GABRB2: variants seen among roughly 807,000 people sequenced by gnomAD.
GABRB2 encodes the protein gamma-aminobutyric acid receptor subunit beta-2.
In GABRB2, 16 loss-of-function variants were observed where a neutral mutation model predicts 54.7. That is an observed-to-expected ratio of 0.29 (90% CI 0.20 to 0.44). The LOEUF is 0.44. Ranked by LOEUF, GABRB2 falls within the 20% of genes least tolerant of loss-of-function variation. The pLI is 1.00. For missense variants in GABRB2, 355 were observed against 644.0 expected (o/e 0.55, Z 4.86); for synonymous variants, 244 against 233.8 (o/e 1.04, Z -0.40).
chr5:161,422,126 T>G (rs1029713634), intron 4 of GABRB2, among the ~76,000 whole-genome samples: 6 of 152,098 alleles, frequency 3.9e-5, no homozygotes, highest in African/African-American at 1.4e-4. Context: ...TTTATCAAAA[T>G]CCACCAAATG....
At chr5:161,519,590 T>C (rs2113426126) in intron 3 of GABRB2, among the ~76,000 whole-genome samples, 1 of 152,304 alleles carries the variant, frequency 6.6e-6, no homozygotes, top group East Asian at 1.9e-4. Flanking sequence ...AGAACCTTGT[T>C]ACTTGTAAAT....
intron 3 of GABRB2, among the ~76,000 whole-genome samples, chr5:161,471,915 G>T (rs746465336): frequency 1.3e-5 from 2 of 151,606 alleles, no homozygotes; most frequent in African/African-American, 4.8e-5. Context: ...ATTGTCCCTA[G>T]GTTCTTGCTT....
At chr5:161,361,859 C>T (rs921027901) in intron 5 of GABRB2, among the ~76,000 whole-genome samples, 3 of 152,068 alleles carry the variant, frequency 2.0e-5, no homozygotes, top group Admixed American at 2.0e-4. Flanking sequence ...CCATACATAC[C>T]TCCTGAATGG....
intron 9 of GABRB2, among the ~76,000 whole-genome samples, chr5:161,316,419 G>A (rs944341619): frequency 3.3e-5 from 5 of 152,278 alleles, no homozygotes; most frequent in Non-Finnish European, 5.9e-5. Flanking sequence ...ACTCTCTGGT[G>A]ATAGCATTGC....
At chr5:161,300,635 G>C (rs253037) in intron 9 of GABRB2, among the ~76,000 whole-genome samples, 16,286 of 152,190 alleles carry the variant, frequency 0.11, 1,009 homozygotes, top group Non-Finnish European at 0.14. Flanking sequence ...TCCCACACTT[G>C]AATGCATATC....
At chr5:161,400,693 C>T (rs928222538) in intron 5 of GABRB2, among the ~76,000 whole-genome samples, 1 of 152,096 alleles carries the variant, frequency 6.6e-6, no homozygotes, top group African/African-American at 2.4e-5. Context: ...CTTTTGAGAA[C>T]CCGTAATGGG....
intron 3 of GABRB2, among the ~76,000 whole-genome samples, chr5:161,524,809 C>A (rs973618531): frequency 2.0e-5 from 3 of 151,264 alleles, no homozygotes; most frequent in Non-Finnish European, 3.0e-5. Flanking sequence ...TTGCTTCTTA[C>A]ACTTTCCATA....
intron 4 of GABRB2, among the ~76,000 whole-genome samples, chr5:161,431,126 A>C (rs893374153): frequency 3.3e-5 from 5 of 152,154 alleles, no homozygotes; most frequent in African/African-American, 1.2e-4. Flanking sequence ...CTGTGACACT[A>C]GTATTTTATT....
At chr5:161,355,680 G>C (rs980880865) in intron 5 of GABRB2, among the ~76,000 whole-genome samples, 3 of 151,826 alleles carry the variant, frequency 2.0e-5, no homozygotes, top group Non-Finnish European at 4.4e-5. Flanking sequence ...TAGGTATGTA[G>C]TTAAAAATCT....
rs138509672 is a variant in GABRB2, at chr5:161,509,809, G to C, written c.237+35418C>G. 5.6e-3 allele frequency among the ~76,000 whole-genome samples: 852 copies of C among 151,948 alleles called. 8 individuals are homozygous for C. The highest frequency in any genetic ancestry group is 0.019 in the African/African-American group (785 of 41,504). ...ACTCTATTGCTACTATCTTAGGAAA[G>C]GCCACTATCATCTCTGCTTTGCCTC... On this transcript the variant is annotated intron_variant, in intron 3 of 9. Coordinates refer to ENST00000393959, the MANE Select transcript of GABRB2 (RefSeq NM_001371727.1).
At chr5:161,500,999 A>AACAG (rs1759420219) in intron 3 of GABRB2, among the ~76,000 whole-genome samples, 1 of 150,410 alleles carries the variant, frequency 6.6e-6, no homozygotes, top group African/African-American at 2.5e-5. Flanking sequence ...CCCACCCCAC[A>AACAG]ACAGTCCCCA....
intron 3 of GABRB2, among the ~76,000 whole-genome samples, chr5:161,481,200 G>T (rs745368026): frequency 6.6e-6 from 1 of 152,070 alleles, no homozygotes; most frequent in Middle Eastern, 3.4e-3. Flanking sequence ...TTGATTAAAG[G>T]TAACTAGATG....
At chr5:161,458,485 GCTGAAT>G (rs1303399586) in intron 4 of GABRB2, among the ~76,000 whole-genome samples, 1 of 152,116 alleles carries the variant, frequency 6.6e-6, no homozygotes, top group Non-Finnish European at 1.5e-5. Flanking sequence ...AAACAAAACA[GCTGAAT>G]CTAAGGATCT....
Position 161,466,254 on chromosome 5 carries a change from C to T in GABRB2, c.238-6410G>A, listed in dbSNP as rs186457411. ...GTCAAAATGACATTCTGGAAAATTC[C>T]TGGTCATCTTAATCTTGAATCGTTG... is the stretch of plus-strand genomic sequence containing the variant. On this transcript the variant is annotated intron_variant, in intron 3 of 9. Coordinates refer to ENST00000393959, the MANE Select transcript of GABRB2 (RefSeq NM_001371727.1). Among the ~76,000 whole-genome samples, 137 of 152,090 alleles carry T rather than the reference C, an allele frequency of 9.0e-4. 1 individual carries two copies. Among genetic ancestry groups the T allele is most frequent in the African/African-American group, 3.2e-3 (134 of 41,522 alleles).
intron 3 of GABRB2, among the ~76,000 whole-genome samples, chr5:161,467,246 G>T (rs767465729): frequency 6.6e-6 from 1 of 152,024 alleles, no homozygotes; most frequent in Non-Finnish European, 1.5e-5. Flanking sequence ...CACTCTCTCT[G>T]CTATCAGGCT....
chr5:161,509,601 C>T (rs1759704971), intron 3 of GABRB2, among the ~76,000 whole-genome samples: 1 of 151,966 alleles, frequency 6.6e-6, no homozygotes, highest in African/African-American at 2.4e-5. Flanking sequence ...TTTATTTACA[C>T]ATCTCTGCTT....
chr5:161,372,119 C>T (rs550051267), intron 5 of GABRB2, among the ~76,000 whole-genome samples: 77 of 152,092 alleles, frequency 5.1e-4, no homozygotes, highest in Non-Finnish European at 1.0e-3. Flanking sequence ...GGTAAACAGG[C>T]CAAATCAGAT....
At chr5:161,407,047 A>G (rs1443101328) in intron 5 of GABRB2, among the ~76,000 whole-genome samples, 1 of 152,106 alleles carries the variant, frequency 6.6e-6, no homozygotes, top group Non-Finnish European at 1.5e-5. Flanking sequence ...TAATGAATGA[A>G]CAAGAAATGA....
At position 161,342,796 on chromosome 5, in the gene GABRB2, T is replaced by A. The variant is rs1754210221; in HGVS notation, c.542-6027A>T. On this transcript the variant is annotated intron_variant, in intron 5 of 9. Coordinates refer to ENST00000393959, the MANE Select transcript of GABRB2 (RefSeq NM_001371727.1). The stretch of plus-strand genomic sequence containing the variant: ...TTTTAGTGGGTTAACCATTTTTCCC[T>A]CCAAAAATGTTTCCAGGAGAGAAAA... 4.6e-5 allele frequency among the ~76,000 whole-genome samples: 7 copies of A among 151,994 alleles called. No individual in the cohort carries two copies. The South Asian group carries it at 1.5e-3, about 32-fold the overall frequency.
Sources: gnomAD v4.1 joint callset for allele counts (sites outside exome capture counted in the v4.1 genomes callset) on GRCh38, gnomAD v4.1.1 for gene constraint, MANE v1.5 for transcripts, NCBI Gene and HGNC (gene_info 2026-07-23, HGNC 2026-07-21) for gene names.